The following MACROD2 variants were observed in gnomAD, a reference collection of about 807,000 sequenced individuals.
The protein encoded by MACROD2 is mono-ADP ribosylhydrolase 2, also known as ADP-ribose glycohydrolase MACROD2.
Under a neutral mutation model 70.4 loss-of-function variants are expected in MACROD2, and 36 were observed. The observed-to-expected ratio is 0.51, with a 90% confidence interval of 0.39 to 0.68. MACROD2 has a LOEUF of 0.68. Ranked by LOEUF, MACROD2 falls within the 30% of genes least tolerant of loss-of-function variation. The pLI is 0.00. For missense variants in MACROD2, 496 were observed against 538.4 expected (o/e 0.92, Z 0.78); for synonymous variants, 172 against 178.8 (o/e 0.96, Z 0.30).
intron 4 of MACROD2, among the ~76,000 whole-genome samples, chr20:14,570,946 C>T (rs1482249916): frequency 6.6e-6 from 1 of 151,998 alleles, no homozygotes; most frequent in African/African-American, 2.4e-5. Context: ...CTACCCCAAT[C>T]CTCCCACGTA....
intron 6 of MACROD2, among the ~76,000 whole-genome samples, chr20:15,399,849 C>G (rs1288334968): frequency 2.0e-5 from 3 of 152,220 alleles, no homozygotes; most frequent in Non-Finnish European, 2.9e-5. Context: ...AGGACTCTTC[C>G]CAGGAGAAAA....
intron 7 of MACROD2, among the ~76,000 whole-genome samples, chr20:15,476,725 G>T (rs1194590145): frequency 6.6e-6 from 1 of 152,166 alleles, no homozygotes; most frequent in Non-Finnish European, 1.5e-5. Flanking sequence ...AGAAAAACCA[G>T]CAAGATATCC....
At chr20:14,301,320 A>T (rs1471064865) in intron 3 of MACROD2, among the ~76,000 whole-genome samples, 1 of 152,244 alleles carries the variant, frequency 6.6e-6, no homozygotes, top group African/African-American at 2.4e-5. Flanking sequence ...AAAATAAAGA[A>T]AAAATAAAAA....
At chr20:15,719,773 C>T (rs1207328072) in intron 8 of MACROD2, among the ~76,000 whole-genome samples, 4 of 152,126 alleles carry the variant, frequency 2.6e-5, no homozygotes, top group Non-Finnish European at 5.9e-5. Context: ...TCCATCACCT[C>T]AAACATTTAT....
chr20:14,705,969 G>T (rs569981652), intron 5 of MACROD2, among the ~76,000 whole-genome samples: 22 of 149,304 alleles, frequency 1.5e-4, no homozygotes, highest in African/African-American at 5.4e-4. Flanking sequence ...TTTTAATTTT[G>T]TGATATTTTA....
At chr20:15,992,529 G>A (rs1256686254) in intron 15 of MACROD2, among the ~76,000 whole-genome samples, 3 of 152,148 alleles carry the variant, frequency 2.0e-5, no homozygotes, top group Admixed American at 1.3e-4. Flanking sequence ...ACTCAAGGAT[G>A]TGTGTAGGTT....
intron 5 of MACROD2, among the ~76,000 whole-genome samples, chr20:14,739,448 G>C (rs188139292): frequency 4.3e-4 from 65 of 151,774 alleles, no homozygotes; most frequent in African/African-American, 1.5e-3. Flanking sequence ...TTACCTGTGG[G>C]GTAGATGAGG....
chr20:14,786,906 C>T (rs995262017), intron 5 of MACROD2, among the ~76,000 whole-genome samples: 34 of 152,202 alleles, frequency 2.2e-4, no homozygotes, highest in African/African-American at 8.2e-4. Context: ...AGTATAACAG[C>T]TAAGATAGGA....
At chr20:14,099,745 G>C (rs775930192) in intron 3 of MACROD2, among the ~76,000 whole-genome samples, 1 of 152,130 alleles carries the variant, frequency 6.6e-6, no homozygotes, top group Non-Finnish European at 1.5e-5. Context: ...ATAGGACACT[G>C]TTGTGTGGTT....
At chr20:15,208,911 C>G (rs147019036) in intron 5 of MACROD2, among the ~76,000 whole-genome samples, 41 of 152,228 alleles carry the variant, frequency 2.7e-4, no homozygotes, top group African/African-American at 9.4e-4. Context: ...TAACCAGCCT[C>G]CTCTGATACC....
At chr20:14,468,094 G>C (rs2084478864) in intron 3 of MACROD2, among the ~76,000 whole-genome samples, 1 of 152,018 alleles carries the variant, frequency 6.6e-6, no homozygotes, top group South Asian at 2.1e-4. Flanking sequence ...CTGTAGATTT[G>C]GGGTGGAGAG....
intron 8 of MACROD2, among the ~76,000 whole-genome samples, chr20:15,581,157 C>T (rs1161600021): frequency 5.9e-5 from 9 of 152,168 alleles, no homozygotes; most frequent in Admixed American, 5.9e-4. Flanking sequence ...AGGGAGATGT[C>T]AGAGAGACCT....
intron 4 of MACROD2, among the ~76,000 whole-genome samples, chr20:14,607,040 C>T (rs1252720408): frequency 6.6e-6 from 1 of 152,120 alleles, no homozygotes; most frequent in Non-Finnish European, 1.5e-5. Flanking sequence ...TCAGTGTTTG[C>T]ATTTTGAGAT....
rs147535160 is a variant in MACROD2, at chr20:14,205,544, C to G, written c.271+119816C>G. Among the ~76,000 whole-genome samples, 17 of 152,260 alleles carry G rather than the reference C, an allele frequency of 1.1e-4. No homozygotes were observed. In the South Asian group the frequency reaches 3.5e-3, roughly 32 times the overall value. On this transcript the variant is annotated intron_variant, in intron 3 of 17. Transcript: ENST00000684519. ...CCACCCTTCCGGTGCGCATGCGGGC[C>G]CTTAGTCTGACCCACTTCACATTGA...
chr20:16,052,650 A>G lies in MACROD2; in HGVS notation c.*2774A>G, dbSNP rs2067473364. The G allele has an allele frequency of 6.5e-6, 1 of 152,766 alleles. No individual in the cohort carries two copies. The highest frequency in any genetic ancestry group is 2.4e-5 in the African/African-American group (1 of 41,578). The allele number at this position is 152,766 out of a possible 1,614,324, so 9.5% of individuals were successfully genotyped here. On this transcript the variant is annotated 3_prime_UTR_variant, in exon 18 of 18. Transcript: ENST00000684519. ...GAAGGCATCCGAATCACTGTCTGTG[A>G]TACTGGGTCACATATTAATCACTGC...
intron 3 of MACROD2, among the ~76,000 whole-genome samples, chr20:14,464,100 GA>G (rs1390318014): frequency 6.6e-6 from 1 of 152,068 alleles, no homozygotes; most frequent in Non-Finnish European, 1.5e-5. Flanking sequence ...AATAGTTTCA[GA>G]AGGAATGGTA....
At chr20:16,008,352 G>A (rs17711684) in intron 15 of MACROD2, among the ~76,000 whole-genome samples, 17,004 of 152,184 alleles carry the variant, frequency 0.11, 1,231 homozygotes, top group Middle Eastern at 0.18. Context: ...CTCTCAAACC[G>A]TGGATATAGA....
At chr20:15,868,781 A>G (rs1236658970) in intron 9 of MACROD2, among the ~76,000 whole-genome samples, 1 of 152,006 alleles carries the variant, frequency 6.6e-6, no homozygotes, top group East Asian at 1.9e-4. Flanking sequence ...TATTTTTTAA[A>G]TTTGTTTTTC....
chr20:14,280,150 A>G (rs539070522), intron 3 of MACROD2, among the ~76,000 whole-genome samples: 2 of 152,270 alleles, frequency 1.3e-5, no homozygotes, highest in East Asian at 3.9e-4. Context: ...TCACATACAG[A>G]AAAACATGAT....
Sources: gnomAD v4.1 joint callset for allele counts (sites outside exome capture counted in the v4.1 genomes callset) on GRCh38, gnomAD v4.1.1 for gene constraint, MANE v1.5 for transcripts, NCBI Gene and HGNC (gene_info 2026-07-23, HGNC 2026-07-21) for gene names.